The following B3GALT9 variants were observed in gnomAD, a reference collection of about 807,000 sequenced individuals.
B3GALT9 encodes beta-1,3-galactosyltransferase 9.
chr9:120,797,123 AAG>A (rs1405477764), intron 2 of B3GALT9, among the ~76,000 whole-genome samples: 1 of 151,642 alleles, frequency 6.6e-6, no homozygotes, highest in Non-Finnish European at 1.5e-5. Flanking sequence ...GACAGAGGGA[AAG>A]AGAGAAAGAA....
chr9:120,798,619 A>G lies in B3GALT9; in HGVS notation c.51A>G (p.Leu17=), dbSNP rs2044953047. The G allele has an allele frequency of 2.5e-6, 1 of 399,476 alleles. No homozygotes were observed. The highest frequency in any genetic ancestry group is 2.1e-5 in the African/African-American group (1 of 48,600). 24.7% of individuals were successfully genotyped at this position (399,476 alleles called of 1,614,324 possible). ...GGACTCACCAGTGGTGTTTCATTCTATTTAATGTCATCCTATTTCATGCCT... is the reference window on the plus strand; with the variant it reads ...GGACTCACCAGTGGTGTTTCATTCTGTTTAATGTCATCCTATTTCATGCCT... ...RLRTHQWCFI[L]FNVILFHALL... The change falls in exon 3 of 3, where the codon CTA becomes CTG. Residue 17 remains leucine (L), a synonymous_variant. Coordinates refer to ENST00000689072, the MANE Select transcript of B3GALT9 (RefSeq NM_001386823.1).
At position 120,799,144 on chromosome 9, in the gene B3GALT9, C is replaced by G; in HGVS notation, c.576C>G (p.Ser192Arg). 2.5e-6 allele frequency: 1 copy of G among 398,954 alleles called. No individual in the cohort carries two copies. The highest frequency in any genetic ancestry group is 4.4e-6 in the Non-Finnish European group (1 of 226,074). The allele number at this position is 398,954 out of a possible 1,614,324, so 24.7% of individuals were successfully genotyped here. ...AAGAGACGTTTGTCAATCTACCAAG[C>G]TTGGTAGACTATCTTCTCAATCTGA... ...VDEETFVNLP[S>R]LVDYLLNLKE... Residue 192 changes from serine (S) to arginine (R), a missense_variant, in exon 3 of 3, where the codon AGC becomes AGG. Physicochemically the swap from Ser to Arg is moderately radical, Grantham distance 110 (BLOSUM62 -1). Transcript: ENST00000689072.
chr9:120,796,225 A>G (rs1249450885), intron 1 of B3GALT9, among the ~76,000 whole-genome samples, 198 bp from the exon 2 acceptor site: 2 of 152,238 alleles, frequency 1.3e-5, no homozygotes, highest in East Asian at 1.9e-4. Flanking sequence ...TACTTGTGCA[A>G]TGATGCTATG....
rs551657249 is a variant in B3GALT9, at chr9:120,793,526, G to A, written c.-578G>A. ...GAGGCTGGAGGCCGGGAGTAGGGGT[G>A]GGGAGAAGAGCGTCCCGGGAAGCTG... On this transcript the variant is annotated 5_prime_UTR_variant, in exon 1 of 3. Transcript: ENST00000689072. 5.0e-6 allele frequency: 2 copies of A among 399,880 alleles called. No homozygotes were observed. Among genetic ancestry groups the A allele is most frequent in the Non-Finnish European group, 8.8e-6 (2 of 227,092 alleles). 24.8% of individuals were successfully genotyped at this position (399,880 alleles called of 1,614,324 possible). A position where few individuals can be genotyped will look rare whatever the true frequency, so the allele number is the denominator to read the frequency against.
At chr9:120,798,243 ATTC>A (rs1471250486) in intron 2 of B3GALT9, among the ~76,000 whole-genome samples, 2 of 152,212 alleles carry the variant, frequency 1.3e-5, no homozygotes, top group African/African-American at 2.4e-5. Flanking sequence ...TCTGTGTCCA[ATTC>A]TTCTTGGTAA....
Position 120,801,257 on chromosome 9 carries a change from C to A in B3GALT9, c.*1579C>A, listed in dbSNP as rs1002359278. 6.6e-6 allele frequency among the ~76,000 whole-genome samples: 1 copy of A among 152,050 alleles called. No individual in the cohort carries two copies. Among genetic ancestry groups the A allele is most frequent in the Non-Finnish European group, 1.5e-5 (1 of 67,992 alleles). On this transcript the variant is annotated 3_prime_UTR_variant, in exon 3 of 3. Coordinates refer to ENST00000689072, the MANE Select transcript of B3GALT9 (RefSeq NM_001386823.1). ...GGAATTGCTAGATTGTGTGGCAGTT[C>A]TATTTTTAATTTTGTGAGGAACCTC...
chr9:120,795,395 T>C (rs184218336), intron 1 of B3GALT9, among the ~76,000 whole-genome samples: 1 of 152,288 alleles, frequency 6.6e-6, no homozygotes, highest in African/African-American at 2.4e-5. Flanking sequence ...AACCAAATTG[T>C]GCAAATTTAA....
chr9:120,799,770 G>T lies in B3GALT9; in HGVS notation c.*92G>T. On this transcript the variant is annotated 3_prime_UTR_variant, in exon 3 of 3. Transcript: ENST00000689072. ...TCCCTTCTTTCCCATGTTTTATGTA[G>T]GTTCTCTGAATCTTTAATTTTATTT... is the stretch of plus-strand genomic sequence containing the variant. The T allele has an allele frequency of 2.5e-6, 1 of 397,248 alleles. No homozygotes were observed. Among genetic ancestry groups the T allele is most frequent in the Non-Finnish European group, 4.4e-6 (1 of 225,882 alleles). The allele number at this position is 397,248 out of a possible 1,614,324, so 24.6% of individuals were successfully genotyped here.
intron 1 of B3GALT9, among the ~76,000 whole-genome samples, chr9:120,795,691 A>G (rs955599862): frequency 6.6e-6 from 1 of 152,244 alleles, no homozygotes; most frequent in Non-Finnish European, 1.5e-5. Flanking sequence ...GAAGATCAAC[A>G]TGTTGGATGT....
At chr9:120,794,506 T>TTG (rs10589412) in intron 1 of B3GALT9, among the ~76,000 whole-genome samples, 4,664 of 142,106 alleles carry the variant, frequency 0.033, 191 homozygotes, top group African/African-American at 0.1. Context: ...GCCCAGCTAG[T>TTG]TGTGTGTGTG....
At position 120,799,628 on chromosome 9, in the gene B3GALT9, C is replaced by T. The variant is rs183371382; in HGVS notation, c.1060C>T (p.Arg354Cys). Residue 354 changes from arginine to cysteine, a missense_variant, in exon 3 of 3, where the codon CGT (arginine) becomes TGT (cysteine). Coordinates refer to ENST00000689072, the MANE Select transcript of B3GALT9 (RefSeq NM_001386823.1). ...TCTGACGTACCTTGACAGCTTTAAA[C>T]GTTTTCACATGGGGACCATAAAAAA... ...KLLTYLDSFKRFHMGTIKNNL... is the reference protein window; with the variant it reads ...KLLTYLDSFKCFHMGTIKNNL... The T allele has an allele frequency of 3.0e-5, 12 of 399,476 alleles. No individual in the cohort carries two copies. Among genetic ancestry groups the T allele is most frequent in the East Asian group, 7.1e-5 (2 of 28,066 alleles). 24.7% of individuals were successfully genotyped at this position (399,476 alleles called of 1,614,324 possible).
At chr9:120,794,284 C>G (rs116624191) in intron 1 of B3GALT9, among the ~76,000 whole-genome samples, 141 of 151,782 alleles carry the variant, frequency 9.3e-4, no homozygotes, top group African/African-American at 3.3e-3. Context: ...TGCCTAAGGT[C>G]ATAGTAAATG....
In B3GALT9 at chr9:120,795,961, T is replaced by A. The variant is rs547044484; in HGVS notation, c.-181-462T>A. On this transcript the variant is annotated intron_variant, in intron 1 of 2. Coordinates refer to ENST00000689072, the MANE Select transcript of B3GALT9 (RefSeq NM_001386823.1). ...GAGCTAAACTTGCCTGGGGAGGTAG[T>A]TTAGATGACTTAAAATTGATTTAGT... 3.9e-5 allele frequency among the ~76,000 whole-genome samples: 6 copies of A among 152,294 alleles called. No individual in the cohort carries two copies. The South Asian group carries it at 1.2e-3, about 32-fold the overall frequency.
Position 120,793,682 on chromosome 9 carries a change from T to A in B3GALT9, c.-422T>A, listed in dbSNP as rs899810353. On this transcript the variant is annotated 5_prime_UTR_variant, in exon 1 of 3. Transcript: ENST00000689072. ...CTCCAATCTGATCTTGCACCAGCTC[T>A]GCAGTAGTTTTTCTTATTATCCTCA... 3 of 398,650 alleles carry A rather than the reference T, an allele frequency of 7.5e-6. No homozygotes were observed. The highest frequency in any genetic ancestry group is 1.3e-5 in the Non-Finnish European group (3 of 226,146). The allele number at this position is 398,650 out of a possible 1,614,324, so 24.7% of individuals were successfully genotyped here.
rs148972213 is a variant in B3GALT9 at position 120,793,537 on chromosome 9, C to G, written c.-567C>G. On this transcript the variant is annotated 5_prime_UTR_variant, in exon 1 of 3. Transcript: ENST00000689072. ...CCGGGAGTAGGGGTGGGGAGAAGAG[C>G]GTCCCGGGAAGCTGAACGCGTGCCG... The G allele has an allele frequency of 0.032, 12,616 of 399,428 alleles. 252 individuals are homozygous for G. Among genetic ancestry groups the G allele is most frequent in the South Asian group, 0.045 (364 of 8,098 alleles). 24.7% of individuals were successfully genotyped at this position (399,428 alleles called of 1,614,324 possible). A position where few individuals can be genotyped will look rare whatever the true frequency, so the allele number is the denominator to read the frequency against.
At chr9:120,797,333 C>G (rs2044946343) in intron 2 of B3GALT9, among the ~76,000 whole-genome samples, 1 of 151,804 alleles carries the variant, frequency 6.6e-6, no homozygotes, top group Non-Finnish European at 1.5e-5. Flanking sequence ...TTGCAAAACC[C>G]CATCTCTACT....
rs1449977367 is a variant in B3GALT9, at chr9:120,801,125, TTAGA to T, written c.*1453_*1456del. Among the ~76,000 whole-genome samples, 2 of 152,260 alleles carry T rather than the reference TTAGA, an allele frequency of 1.3e-5. No homozygotes were observed. The highest frequency in any genetic ancestry group is 2.9e-5 in the Non-Finnish European group (2 of 68,048). On this transcript the variant is annotated 3_prime_UTR_variant, in exon 3 of 3. Transcript: ENST00000689072. ...TCTTTATTCATGCACTGGTGGACAC[TTAGA>T]TAGATGCCACTAATCTTGTGAATAA...
Position 120,798,238 on chromosome 9 carries a change from G to A in B3GALT9, c.7-337G>A, listed in dbSNP as rs1027571784. On this transcript the variant is annotated intron_variant, in intron 2 of 2. Transcript: ENST00000689072. ...TGTTAAGTTATATCCATGTGTCTGT[G>A]TCCAATTCTTCTTGGTAATCCCAAT... is the stretch of plus-strand genomic sequence containing the variant. Among the ~76,000 whole-genome samples, 7 of 152,202 alleles carry A rather than the reference G, an allele frequency of 4.6e-5. No homozygotes were observed. The East Asian group carries it at 1.3e-3, about 29-fold the overall frequency.
rs957687796 is a variant in B3GALT9, at chr9:120,800,247, A to C, written c.*569A>C. ...ATTCTCCTGCCTCAGCCTCCCAAGT[A>C]GCTGGGATTACAGGTGCCTGCCACC... On this transcript the variant is annotated 3_prime_UTR_variant, in exon 3 of 3. Transcript: ENST00000689072. 2.6e-5 allele frequency among the ~76,000 whole-genome samples: 4 copies of C among 151,608 alleles called. No homozygotes were observed. Among genetic ancestry groups the C allele is most frequent in the Non-Finnish European group, 5.9e-5 (4 of 67,904 alleles).
Sources: allele counts gnomAD v4.1 joint callset (sites outside exome capture counted in the v4.1 genomes callset), GRCh38; gene constraint gnomAD v4.1.1; transcripts MANE v1.5; gene names NCBI Gene and HGNC (gene_info 2026-07-23, HGNC 2026-07-21).